RUNDC3B: variants seen among roughly 807,000 people sequenced by gnomAD.
The protein encoded by RUNDC3B is RUN domain containing 3B, also known as RUN domain-containing protein 3B.
A neutral mutation model predicts 58.4 loss-of-function variants in RUNDC3B; 33 were observed. The observed-to-expected ratio is 0.56, with a 90% confidence interval of 0.43 to 0.75. RUNDC3B has a LOEUF of 0.75. RUNDC3B is among the 30% of genes least tolerant of loss of function. RUNDC3B has a pLI of 0.00. For synonymous variants in RUNDC3B, 193 were observed against 195.2 expected (o/e 0.99, Z 0.10); for missense variants, 501 against 535.7 (o/e 0.94, Z 0.64).
intron 4 of RUNDC3B, among the ~76,000 whole-genome samples, chr7:87,735,904 C>T (rs1332159110): frequency 6.6e-6 from 1 of 152,154 alleles, no homozygotes; most frequent in Non-Finnish European, 1.5e-5. Context: ...CTAAATCTAA[C>T]TTATTTACCA....
At chr7:87,677,337 A>G (rs888187709) in intron 2 of RUNDC3B, among the ~76,000 whole-genome samples, 2 of 135,916 alleles carry the variant, frequency 1.5e-5, no homozygotes, top group African/African-American at 6.4e-5. Flanking sequence ...TTCAGATTTA[A>G]AAAAAAAAAA....
intron 8 of RUNDC3B, among the ~76,000 whole-genome samples, chr7:87,799,294 C>T (rs770349186): frequency 4.6e-5 from 7 of 152,272 alleles, no homozygotes; most frequent in African/African-American, 1.7e-4. Flanking sequence ...AAACAGATAG[C>T]ATCTGTCAGA....
chr7:87,693,706 A>C (rs1828224175), intron 2 of RUNDC3B, among the ~76,000 whole-genome samples: 1 of 152,206 alleles, frequency 6.6e-6, no homozygotes, highest in African/African-American at 2.4e-5. Flanking sequence ...ACAATAAGCT[A>C]CAAGGAACTA....
At chr7:87,718,619 C>T (rs185688512) in intron 4 of RUNDC3B, among the ~76,000 whole-genome samples, 149 of 152,162 alleles carry the variant, frequency 9.8e-4, no homozygotes, top group Non-Finnish European at 1.8e-3. Context: ...AGCTATTTTT[C>T]CTCTACAGAA....
chr7:87,726,783 TCCTTGAAGAGGTCCTTCACATC>T (rs1425498585), intron 4 of RUNDC3B, among the ~76,000 whole-genome samples: 1 of 151,846 alleles, frequency 6.6e-6, no homozygotes, highest in African/African-American at 2.4e-5. Flanking sequence ...AGTTGACCTC[TCCTTGAAGAGGTCCTTCACATC>T]CCTTGTAAGT....
chr7:87,830,097 G>A lies in RUNDC3B; in HGVS notation c.*67G>A. On this transcript the variant is annotated 3_prime_UTR_variant, in exon 11 of 11. Transcript: ENST00000394654. ...TTTAATTTACATGTTTGACTGCTGG[G>A]AAGACCTTTGAAATTTTATATTGTT... The A allele has an allele frequency of 1.0e-6, 1 of 989,030 alleles. No individual in the cohort carries two copies. Among genetic ancestry groups the A allele is most frequent in the Non-Finnish European group, 1.5e-6 (1 of 687,794 alleles). The allele number at this position is 989,030 out of a possible 1,614,324, so 61.3% of individuals were successfully genotyped here.
At chr7:87,703,885 C>CTT in intron 3 of RUNDC3B, among the ~76,000 whole-genome samples, 28 of 60,300 alleles carry the variant, frequency 4.6e-4, no homozygotes, top group East Asian at 1.0e-3. Context: ...TCAGTTTTTT[C>CTT]TTTTTTTTTT....
At chr7:87,802,002 G>A (rs751420367) in intron 8 of RUNDC3B, among the ~76,000 whole-genome samples, 16 of 152,064 alleles carry the variant, frequency 1.1e-4, no homozygotes, top group South Asian at 2.1e-4. Flanking sequence ...GATATAAAGC[G>A]TCCATAGTGA....
chr7:87,771,848 A>G (rs1584164366), intron 7 of RUNDC3B, among the ~76,000 whole-genome samples: 1 of 152,240 alleles, frequency 6.6e-6, no homozygotes. Flanking sequence ...GCTTGATTAC[A>G]TGCAATAGCA....
intron 2 of RUNDC3B, among the ~76,000 whole-genome samples, chr7:87,698,851 A>C (rs1209817151): frequency 3.3e-5 from 5 of 152,190 alleles, no homozygotes; most frequent in African/African-American, 1.2e-4. Flanking sequence ...GGGATCATAC[A>C]TGGGTTTCTG....
chr7:87,709,266 GGAGAGCAACTTTCTT>G, intron 3 of RUNDC3B: 3 of 985,222 alleles, frequency 3.0e-6, no homozygotes, highest in Non-Finnish European at 3.6e-6. Context: ...AATTGTCTCT[GGAGAGCAACTTTCTT>G]GACTTCATTG....
chr7:87,736,641 A>G (rs1212797291), intron 4 of RUNDC3B, among the ~76,000 whole-genome samples: 1 of 151,102 alleles, frequency 6.6e-6, no homozygotes, highest in Non-Finnish European at 1.5e-5. Context: ...CTGTAATATA[A>G]AACTATATTT....
At chr7:87,705,516 A>G (rs1430129331) in intron 3 of RUNDC3B, among the ~76,000 whole-genome samples, 1 of 152,216 alleles carries the variant, frequency 6.6e-6, no homozygotes, top group East Asian at 1.9e-4. Context: ...TAGCCATAAG[A>G]CTTAAACATA....
chr7:87,669,433 C>G (rs1825612924), intron 2 of RUNDC3B, among the ~76,000 whole-genome samples: 1 of 152,052 alleles, frequency 6.6e-6, no homozygotes, highest in African/African-American at 2.4e-5. Flanking sequence ...TATCCAGCTT[C>G]TCACTGTGCC....
At chr7:87,828,867 C>A (rs911939071) in intron 10 of RUNDC3B, among the ~76,000 whole-genome samples, 5 of 152,122 alleles carry the variant, frequency 3.3e-5, no homozygotes, top group African/African-American at 1.2e-4. Context: ...GTGTAACAGG[C>A]AAATAGAAAC....
chr7:87,666,867 A>G (rs1825305663), intron 2 of RUNDC3B, among the ~76,000 whole-genome samples: 1 of 152,154 alleles, frequency 6.6e-6, no homozygotes, highest in Non-Finnish European at 1.5e-5. Flanking sequence ...TTGTACCAGT[A>G]CCATGCTGTT....
At chr7:87,714,263 C>A (rs183514398) in intron 4 of RUNDC3B, among the ~76,000 whole-genome samples, 120 of 152,212 alleles carry the variant, frequency 7.9e-4, no homozygotes, top group African/African-American at 2.7e-3. Flanking sequence ...ATAGTGAAAG[C>A]TGGGTCCAGG....
chr7:87,722,170 CAT>C (rs973017143), intron 4 of RUNDC3B, among the ~76,000 whole-genome samples: 11 of 151,704 alleles, frequency 7.3e-5, no homozygotes, highest in South Asian at 2.1e-4. Context: ...AGCTAAGTAA[CAT>C]ATCTATCACC....
At chr7:87,634,501 G>GA (rs906458979) in intron 1 of RUNDC3B, among the ~76,000 whole-genome samples, 1 of 134,108 alleles carries the variant, frequency 7.5e-6, no homozygotes, top group African/African-American at 2.7e-5. Flanking sequence ...GGGTGGGGGG[G>GA]GGGGCACCTG....
Sources: allele counts gnomAD v4.1 joint callset (sites outside exome capture counted in the v4.1 genomes callset), GRCh38; gene constraint gnomAD v4.1.1; transcripts MANE v1.5; gene names NCBI Gene and HGNC (gene_info 2026-07-23, HGNC 2026-07-21).